Variants in DDR2 observed in about 807,000 individuals in gnomAD.
DDR2 encodes the protein discoidin domain receptor tyrosine kinase 2.
In DDR2, 27 loss-of-function variants were observed where a neutral mutation model predicts 94.9. The observed-to-expected ratio is 0.28, with a 90% CI of 0.21 to 0.39. The LOEUF is 0.39. Among genes scored for constraint, DDR2 ranks in the 10% least tolerant of loss-of-function variants. The probability of loss-of-function intolerance (pLI) is 1.00; values close to 1 mark genes in which losing one functional copy is unlikely to be tolerated. For missense variants in DDR2, 783 were observed against 1,076.0 expected, an observed-to-expected ratio of 0.73 and a Z score of 3.81; for synonymous variants, 382 against 377.2, an observed-to-expected ratio of 1.01 and a Z score of -0.15.
chr1:162,729,773 C>G (rs1452710122), intron 3 of DDR2, among the ~76,000 whole-genome samples: 3 of 151,236 alleles, frequency 2.0e-5, no homozygotes, highest in Non-Finnish European at 4.4e-5. Flanking sequence ...AATGGAGTTT[C>G]ACTCTTATTA....
chr1:162,672,713 T>A (rs916645216), intron 2 of DDR2, among the ~76,000 whole-genome samples: 30 of 152,224 alleles, frequency 2.0e-4, no homozygotes, highest in African/African-American at 7.2e-4. Context: ...AGATTAACTT[T>A]TGAAAACTGC....
At position 162,780,864 on chromosome 1, in the gene DDR2, GCAGGGGT is replaced by G. The variant is rs1490547526; in HGVS notation, c.*623_*629del. ...AAATGGGTGTTCTGTTCATTCATGG[GCAGGGGT>G]CAGGATTGAAGTTCATATATGAAAC... On this transcript the variant is annotated 3_prime_UTR_variant, in exon 18 of 18. Transcript: ENST00000367921. The G allele has an allele frequency of 1.3e-5, 2 of 153,752 alleles. No homozygotes were observed. Among genetic ancestry groups the G allele is most frequent in the African/African-American group, 4.8e-5 (2 of 41,394 alleles). The allele number at this position is 153,752 out of a possible 1,614,324, so 9.5% of individuals were successfully genotyped here.
intron 2 of DDR2, among the ~76,000 whole-genome samples, chr1:162,710,744 C>T (rs1347213173): frequency 7.0e-6 from 1 of 141,916 alleles, no homozygotes; most frequent in Non-Finnish European, 1.5e-5. Flanking sequence ...CACACAAATG[C>T]AAGTGCCACA....
At chr1:162,741,527 A>G (rs1411281807) in intron 3 of DDR2, 1 of 949,194 alleles carries the variant, frequency 1.1e-6, no homozygotes, top group East Asian at 1.2e-4. Context: ...GGGTAAAGCA[A>G]AGATAAGCCA....
chr1:162,701,890 G>T (rs1558035205), intron 2 of DDR2, among the ~76,000 whole-genome samples: 1 of 152,136 alleles, frequency 6.6e-6, no homozygotes, highest in Non-Finnish European at 1.5e-5. Context: ...CCAACATTAA[G>T]TCCCAGTGTA....
intron 2 of DDR2, among the ~76,000 whole-genome samples, chr1:162,668,399 G>A (rs1392086049): frequency 1.3e-5 from 2 of 152,140 alleles, no homozygotes; most frequent in African/African-American, 4.8e-5. Context: ...GTTTCCTGGG[G>A]TTACTGTAAC....
chr1:162,727,335 TAC>T (rs1259674164), intron 3 of DDR2, among the ~76,000 whole-genome samples: 2 of 141,786 alleles, frequency 1.4e-5, no homozygotes, highest in Admixed American at 7.2e-5. Context: ...ATAATAAATA[TAC>T]ACACATATAT....
intron 13 of DDR2, chr1:162,772,546 G>T (rs1647281613): frequency 5.1e-6 from 2 of 389,378 alleles, no homozygotes; most frequent in South Asian, 4.4e-5. Context: ...GATTATGGAG[G>T]GTGGGATCCA....
intron 3 of DDR2, among the ~76,000 whole-genome samples, chr1:162,744,449 C>T (rs549390681): frequency 2.6e-5 from 4 of 152,148 alleles, no homozygotes; most frequent in South Asian, 2.1e-4. Context: ...TTATTTCTAC[C>T]GGGTTCAACC....
chr1:162,747,181 A>G (rs1217807171), intron 3 of DDR2, among the ~76,000 whole-genome samples: 1 of 152,250 alleles, frequency 6.6e-6, no homozygotes, highest in Non-Finnish European at 1.5e-5. Context: ...ACAAGATGAC[A>G]GAAGTAGGCT....
chr1:162,705,460 G>A (rs1343186346), intron 2 of DDR2, among the ~76,000 whole-genome samples: 5 of 152,172 alleles, frequency 3.3e-5, no homozygotes, highest in South Asian at 2.1e-4. Flanking sequence ...TAAAGCAGCC[G>A]AAGCTCTCAT....
intron 2 of DDR2, among the ~76,000 whole-genome samples, chr1:162,680,742 T>C (rs527639049): frequency 6.6e-6 from 1 of 152,272 alleles, no homozygotes; most frequent in South Asian, 2.1e-4. Context: ...AAGAAAATAA[T>C]ATAACCCAAC....
intron 2 of DDR2, 109 bp from the exon 3 acceptor site, chr1:162,718,928 G>A (rs1661289305): frequency 2.6e-6 from 3 of 1,155,630 alleles, no homozygotes; most frequent in Non-Finnish European, 3.8e-6. Flanking sequence ...AAACACTGCA[G>A]GAACACAAAA....
chr1:162,657,881 C>G (rs1427718452), intron 2 of DDR2, among the ~76,000 whole-genome samples: 1 of 151,898 alleles, frequency 6.6e-6, no homozygotes, highest in African/African-American at 2.4e-5. Flanking sequence ...TCCTTATTCT[C>G]TCCCTCTCCC....
At chr1:162,755,462 G>C (rs548980606) in intron 6 of DDR2, among the ~76,000 whole-genome samples, 159 bp downstream of exon 6, 5 of 152,198 alleles carry the variant, frequency 3.3e-5, no homozygotes, top group African/African-American at 1.2e-4. Flanking sequence ...TTAACCCAGG[G>C]CTTAGGGCCC....
At chr1:162,771,299 G>A (rs1347266558) in intron 12 of DDR2, among the ~76,000 whole-genome samples, 1 of 152,188 alleles carries the variant, frequency 6.6e-6, no homozygotes, top group Non-Finnish European at 1.5e-5. Context: ...GTGTTCAGGA[G>A]AGAGGAGCTA....
intron 3 of DDR2, 43 bp from the exon 4 acceptor site, chr1:162,753,051 TA>T: frequency 6.5e-7 from 1 of 1,538,318 alleles, no homozygotes; most frequent in African/African-American, 1.4e-5. Flanking sequence ...GAAATAAAAA[TA>T]AAACCATGTC....
chr1:162,671,441 C>T (rs1485252364), intron 2 of DDR2, among the ~76,000 whole-genome samples: 2 of 152,136 alleles, frequency 1.3e-5, no homozygotes, highest in Admixed American at 6.5e-5. Context: ...CCGAGGGTTA[C>T]CATGTCCCAA....
At chr1:162,645,367 T>C (rs1657356367) in intron 1 of DDR2, among the ~76,000 whole-genome samples, 2 of 152,258 alleles carry the variant, frequency 1.3e-5, no homozygotes, top group South Asian at 4.1e-4. Context: ...ACACTTCTTA[T>C]GCTTATAGTT....
Sources: gnomAD v4.1 joint callset for allele counts (sites outside exome capture counted in the v4.1 genomes callset) on GRCh38, gnomAD v4.1.1 for gene constraint, MANE v1.5 for transcripts, NCBI Gene and HGNC (gene_info 2026-07-23, HGNC 2026-07-21) for gene names.